FAM110B: variants seen among roughly 807,000 people sequenced by gnomAD.
FAM110B encodes the protein family with sequence similarity 110 member B.
FAM110B carries 6 observed loss-of-function variants against 20.4 expected under a neutral mutation model. That is an observed-to-expected ratio of 0.29 (90% CI 0.16 to 0.58). The LOEUF (loss-of-function observed/expected upper bound fraction) is 0.58. FAM110B is among the 20% of genes least tolerant of loss of function. The probability of loss-of-function intolerance (pLI) is 0.90; values close to 1 mark genes in which losing one functional copy is unlikely to be tolerated. For synonymous variants in FAM110B, 226 were observed against 214.1 expected (o/e 1.06, Z -0.49); for missense variants, 434 against 498.2 (o/e 0.87, Z 1.23).
chr8:58,120,941 A>G (rs1305418219), intron 3 of FAM110B, among the ~76,000 whole-genome samples: 1 of 152,222 alleles, frequency 6.6e-6, no homozygotes. Context: ...AACATGGGAG[A>G]AACATGCCAC....
At chr8:58,079,217 C>G (rs891400894) in intron 3 of FAM110B, among the ~76,000 whole-genome samples, 1 of 152,138 alleles carries the variant, frequency 6.6e-6, no homozygotes, top group African/African-American at 2.4e-5. Flanking sequence ...TCAGGAGAGT[C>G]GGCACGACAG....
chr8:58,012,814 G>T (rs1804565549), intron 1 of FAM110B, among the ~76,000 whole-genome samples: 1 of 152,220 alleles, frequency 6.6e-6, no homozygotes, highest in African/African-American at 2.4e-5. Flanking sequence ...GTTGTTTGGG[G>T]AGTGGAGGAG....
chr8:58,085,880 A>G (rs559441227), intron 3 of FAM110B, among the ~76,000 whole-genome samples: 114 of 152,348 alleles, frequency 7.5e-4, no homozygotes, highest in Admixed American at 1.6e-3. Context: ...TTAAAAAATC[A>G]ATGGAATTAA....
At chr8:58,055,470 A>G (rs1805528041) in intron 2 of FAM110B, among the ~76,000 whole-genome samples, 1 of 152,178 alleles carries the variant, frequency 6.6e-6, no homozygotes, top group Non-Finnish European at 1.5e-5. Flanking sequence ...TCTACAGATT[A>G]TGTTTTAATT....
chr8:58,053,037 G>T (rs1029974031), intron 2 of FAM110B, among the ~76,000 whole-genome samples: 1 of 151,228 alleles, frequency 6.6e-6, no homozygotes, highest in South Asian at 2.1e-4. Context: ...CGCCCGCCTC[G>T]GCCTCCCAAA....
At chr8:58,030,621 C>T (rs770926625) in intron 1 of FAM110B, among the ~76,000 whole-genome samples, 10 of 152,260 alleles carry the variant, frequency 6.6e-5, no homozygotes, top group Middle Eastern at 3.4e-3. Context: ...ATATTTTTCT[C>T]TTGGTTCCTC....
Position 58,146,287 on chromosome 8 carries a change from C to G in FAM110B, c.57C>G (p.Gly19=). ...GSMVKPVSPA[G]TFTSAVPLRI... ...TGGTGAAGCCGGTCAGCCCCGCGGG[C>G]ACCTTCACCTCTGCTGTGCCCCTGC... is the stretch of plus-strand genomic sequence containing the variant. The change falls in exon 4 of 4, where the codon GGC becomes GGG. Residue 19 remains glycine, a synonymous_variant. Coordinates refer to ENST00000519262, the MANE Select transcript of FAM110B (RefSeq NM_001377989.1). The G allele has an allele frequency of 6.2e-7, 1 of 1,613,610 alleles. No homozygotes were observed. The highest frequency in any genetic ancestry group is 8.5e-7 in the Non-Finnish European group (1 of 1,179,786).
chr8:58,078,804 C>T (rs1408675045), intron 3 of FAM110B, among the ~76,000 whole-genome samples: 1 of 152,020 alleles, frequency 6.6e-6, no homozygotes, highest in African/African-American at 2.4e-5. Flanking sequence ...CCCGCCTCAG[C>T]CTCCCAATGT....
At chr8:58,047,470 G>A (rs937429473) in intron 2 of FAM110B, among the ~76,000 whole-genome samples, 5 of 152,018 alleles carry the variant, frequency 3.3e-5, no homozygotes, top group Admixed American at 6.6e-5. Flanking sequence ...AGAGTAGAAG[G>A]CACCATCACA....
intron 2 of FAM110B, among the ~76,000 whole-genome samples, chr8:58,074,862 A>G (rs910284995): frequency 6.6e-6 from 1 of 152,090 alleles, no homozygotes; most frequent in Non-Finnish European, 1.5e-5. Flanking sequence ...TTAAACTCTT[A>G]TCACTCTTTC....
At chr8:58,008,796 T>C (rs1106314) in intron 1 of FAM110B, among the ~76,000 whole-genome samples, 10,069 of 152,266 alleles carry the variant, frequency 0.066, 416 homozygotes, top group East Asian at 0.17. Context: ...GCCTCCACAC[T>C]GCAGGTGGAA....
chr8:58,066,549 A>T (rs1172173238), intron 2 of FAM110B, among the ~76,000 whole-genome samples: 1 of 152,196 alleles, frequency 6.6e-6, no homozygotes, highest in Admixed American at 6.5e-5. Context: ...CTCTTCACAA[A>T]AAAAGAAAGA....
intron 1 of FAM110B, among the ~76,000 whole-genome samples, chr8:58,005,822 A>C (rs1431431640): frequency 6.6e-5 from 10 of 152,226 alleles, no homozygotes; most frequent in African/African-American, 2.4e-4. Flanking sequence ...TAGAGGTTTC[A>C]TTCCTATTTA....
At chr8:58,073,064 G>A (rs1231277939) in intron 2 of FAM110B, among the ~76,000 whole-genome samples, 1 of 152,168 alleles carries the variant, frequency 6.6e-6, no homozygotes, top group East Asian at 1.9e-4. Context: ...AAGTTGCCGG[G>A]ATTGGAAAAA....
At chr8:58,050,398 C>T (rs535370251) in intron 2 of FAM110B, among the ~76,000 whole-genome samples, 1 of 152,266 alleles carries the variant, frequency 6.6e-6, no homozygotes, top group Admixed American at 6.5e-5. Context: ...CCAAGTCTGC[C>T]ATGGCTCAGC....
In FAM110B at chr8:58,146,940, A is replaced by T; in HGVS notation, c.710A>T (p.Lys237Met). The change falls in exon 4 of 4, where the codon AAG becomes ATG. Residue 237 changes from lysine (K) to methionine (M), a missense_variant. By Grantham distance (95) the Lys-to-Met change is moderately conservative (BLOSUM62 -1). Transcript: ENST00000519262. ...AAAATCGCAGCCATCGCCTCCATGA[A>T]GTCCCCCGAGGCCGACCCTGTGGAA... ...KPKIAAIASMKSPEADPVEPA... is the reference protein window; with the variant it reads ...KPKIAAIASMMSPEADPVEPA... The T allele has an allele frequency of 6.2e-7, 1 of 1,614,168 alleles. No homozygotes were observed. The highest frequency in any genetic ancestry group is 8.5e-7 in the Non-Finnish European group (1 of 1,180,028).
intron 1 of FAM110B, among the ~76,000 whole-genome samples, chr8:57,997,504 T>G (rs1804210819): frequency 1.3e-5 from 2 of 152,186 alleles, no homozygotes; most frequent in Admixed American, 1.3e-4. Flanking sequence ...AATCTGAACT[T>G]TTTTTCATAC....
At chr8:58,083,673 C>G (rs1330074351) in intron 3 of FAM110B, among the ~76,000 whole-genome samples, 3 of 152,170 alleles carry the variant, frequency 2.0e-5, no homozygotes, top group African/African-American at 7.2e-5. Context: ...GCAGGCCACT[C>G]CCACCATCCA....
chr8:58,096,184 T>C (rs1016749369), intron 3 of FAM110B, among the ~76,000 whole-genome samples: 6 of 152,148 alleles, frequency 3.9e-5, no homozygotes, highest in Admixed American at 3.9e-4. Context: ...TGGTCTTGAC[T>C]CTTTTTTTTG....
Sources: gnomAD v4.1 joint callset for allele counts (sites outside exome capture counted in the v4.1 genomes callset) on GRCh38, gnomAD v4.1.1 for gene constraint, MANE v1.5 for transcripts, NCBI Gene and HGNC (gene_info 2026-07-23, HGNC 2026-07-21) for gene names.